AUH: variants seen among roughly 807,000 people sequenced by gnomAD.
AUH encodes the protein methylglutaconyl-CoA hydratase, mitochondrial.
In AUH, 29 loss-of-function variants were observed where a neutral mutation model predicts 42.3. The ratio of observed to expected loss-of-function variants is 0.69; its 90% CI spans 0.51 to 0.93. AUH has a LOEUF of 0.93. Among genes scored for constraint, AUH ranks in the 40% least tolerant of loss-of-function variants. The probability of loss-of-function intolerance (pLI) is 0.00; values close to 1 mark genes in which losing one functional copy is unlikely to be tolerated. For synonymous variants in AUH, 174 were observed against 166.4 expected, an observed-to-expected ratio of 1.05 and a Z score of -0.35; for missense variants, 452 against 438.1, an observed-to-expected ratio of 1.03 and a Z score of -0.28.
chr9:91,314,972 G>A (rs1005732653), intron 4 of AUH, among the ~76,000 whole-genome samples: 2 of 152,224 alleles, frequency 1.3e-5, no homozygotes, highest in African/African-American at 2.4e-5. Flanking sequence ...CACCCAGACT[G>A]GAGTGCAGTG....
chr9:91,350,853 T>C (rs547073291), intron 3 of AUH, among the ~76,000 whole-genome samples: 2 of 152,284 alleles, frequency 1.3e-5, no homozygotes, highest in Non-Finnish European at 2.9e-5. Context: ...TACACTAATA[T>C]ACTTTGTATT....
At chr9:91,273,406 T>C (rs1205415860) in intron 6 of AUH, among the ~76,000 whole-genome samples, 1 of 152,244 alleles carries the variant, frequency 6.6e-6, no homozygotes, top group African/African-American at 2.4e-5. Flanking sequence ...TATCTCCTAA[T>C]AGCTGCTATA....
chr9:91,313,839 T>G (rs912755621), intron 4 of AUH, among the ~76,000 whole-genome samples: 3 of 149,550 alleles, frequency 2.0e-5, no homozygotes, highest in Non-Finnish European at 4.4e-5. Context: ...TTTTTTTTTT[T>G]GAGACCGAGT....
intron 6 of AUH, among the ~76,000 whole-genome samples, chr9:91,246,222 G>A (rs1199109655): frequency 3.9e-5 from 6 of 152,060 alleles, no homozygotes; most frequent in Admixed American, 2.6e-4. Context: ...AAGCTCACTC[G>A]CTGTGTAAAA....
At chr9:91,303,607 G>T (rs550353492) in intron 4 of AUH, among the ~76,000 whole-genome samples, 1 of 152,158 alleles carries the variant, frequency 6.6e-6, no homozygotes, top group African/African-American at 2.4e-5. Context: ...GATTACAGGC[G>T]TAAGCCACTG....
At chr9:91,360,022 A>G (rs1026458907) in intron 1 of AUH, among the ~76,000 whole-genome samples, 62 of 152,074 alleles carry the variant, frequency 4.1e-4, no homozygotes, top group Non-Finnish European at 7.1e-4. Context: ...AGAAAAAAAA[A>G]AAAAGAAACC....
chr9:91,307,224 T>C (rs1244660403), intron 4 of AUH, among the ~76,000 whole-genome samples: 1 of 152,192 alleles, frequency 6.6e-6, no homozygotes, highest in Non-Finnish European at 1.5e-5. Flanking sequence ...ATGGGCAATT[T>C]ATTTTATGTC....
At chr9:91,265,294 G>A (rs1038402144) in intron 6 of AUH, among the ~76,000 whole-genome samples, 2 of 131,978 alleles carry the variant, frequency 1.5e-5, no homozygotes, top group African/African-American at 5.8e-5. Flanking sequence ...TTTTTTTTTG[G>A]TCTTTGCTCT....
intron 3 of AUH, among the ~76,000 whole-genome samples, chr9:91,351,917 T>C (rs780973881): frequency 2.6e-5 from 4 of 152,182 alleles, no homozygotes; most frequent in Non-Finnish European, 5.9e-5. Flanking sequence ...TGTAGGTAAC[T>C]GTAACACAAT....
At chr9:91,240,451 G>A (rs770877406) in intron 6 of AUH, among the ~76,000 whole-genome samples, 5 of 152,088 alleles carry the variant, frequency 3.3e-5, no homozygotes, top group East Asian at 1.9e-4. Context: ...CTCCTTCAGC[G>A]TGGATCTTGA....
chr9:91,302,280 C>A (rs575105235), intron 4 of AUH, among the ~76,000 whole-genome samples: 9 of 152,000 alleles, frequency 5.9e-5, no homozygotes, highest in Non-Finnish European at 1.0e-4. Context: ...CCAGCCTGGC[C>A]AACATGGTGA....
At chr9:91,307,149 T>C (rs1828291268) in intron 4 of AUH, among the ~76,000 whole-genome samples, 1 of 152,140 alleles carries the variant, frequency 6.6e-6, no homozygotes, top group Non-Finnish European at 1.5e-5. Context: ...GTGATGGACA[T>C]ATTCATTATC....
intron 6 of AUH, among the ~76,000 whole-genome samples, chr9:91,269,501 TTTAAA>T (rs1824939277): frequency 6.6e-6 from 1 of 152,220 alleles, no homozygotes; most frequent in Non-Finnish European, 1.5e-5. Flanking sequence ...AAGATAAACA[TTTAAA>T]TTATTTTCAA....
intron 6 of AUH, among the ~76,000 whole-genome samples, chr9:91,242,086 G>A (rs575821264): frequency 1.2e-4 from 19 of 152,146 alleles, no homozygotes; most frequent in African/African-American, 4.3e-4. Flanking sequence ...AGGCCTTCTC[G>A]GTCCTGCACA....
chr9:91,348,513 TAAAC>T (rs1318052394), intron 3 of AUH, among the ~76,000 whole-genome samples: 2 of 152,018 alleles, frequency 1.3e-5, no homozygotes, highest in Non-Finnish European at 2.9e-5. Context: ...ACCTAATGAA[TAAAC>T]AAACCGTGAA....
At chr9:91,283,536 A>G (rs558770045) in intron 6 of AUH, among the ~76,000 whole-genome samples, 1 of 152,246 alleles carries the variant, frequency 6.6e-6, no homozygotes, top group Non-Finnish European at 1.5e-5. Context: ...CTGTTTGCAG[A>G]TGATATGATT....
At chr9:91,295,916 T>C in intron 6 of AUH, 105 bp downstream of exon 6, 1 of 1,285,122 alleles carries the variant, frequency 7.8e-7, no homozygotes, top group Non-Finnish European at 1.1e-6. Context: ...TATGCCATTG[T>C]CTCTTTACGC....
chr9:91,328,070 C>T lies in AUH; in HGVS notation c.419-2666G>A, dbSNP rs547312767. Among the ~76,000 whole-genome samples the T allele has an allele frequency of 1.4e-4, 21 of 152,292 alleles. 1 individual carries two copies. In the East Asian group the frequency reaches 2.7e-3, roughly 20 times the overall value. On this transcript the variant is annotated intron_variant, in intron 3 of 9. Transcript: ENST00000375731. ...AAGGCCCAGACAGAGGTGGCAGGGGCAGCAAAGATTTCTGGCTGGCAAAGT... is the reference window on the plus strand; with the variant it reads ...AAGGCCCAGACAGAGGTGGCAGGGGTAGCAAAGATTTCTGGCTGGCAAAGT...
intron 6 of AUH, among the ~76,000 whole-genome samples, chr9:91,259,743 T>C (rs1372307531): frequency 6.6e-6 from 1 of 152,174 alleles, no homozygotes; most frequent in Non-Finnish European, 1.5e-5. Flanking sequence ...ATTTTAAATA[T>C]GTCTTTCGGT....
Sources: gnomAD v4.1 joint callset for allele counts (sites outside exome capture counted in the v4.1 genomes callset) on GRCh38, gnomAD v4.1.1 for gene constraint, MANE v1.5 for transcripts, NCBI Gene and HGNC (gene_info 2026-07-23, HGNC 2026-07-21) for gene names.